TCF20: variants seen among roughly 807,000 people sequenced by gnomAD.
The protein encoded by TCF20 is transcription factor 20.
Under a neutral mutation model 148.6 loss-of-function variants are expected in TCF20, and 3 were observed. The observed-to-expected ratio is 0.02, with a 90% CI of 0.01 to 0.05. The LOEUF (loss-of-function observed/expected upper bound fraction) is 0.05. Among genes scored for constraint, TCF20 ranks in the 10% least tolerant of loss-of-function variants. TCF20 has a pLI of 1.00. For synonymous variants in TCF20, 1,049 were observed against 909.5 expected (o/e 1.15, Z -2.76); for missense variants, 2,350 against 2,429.3 (o/e 0.97, Z 0.69).
At chr22:42,262,475 A>G (rs1222775222) in intron 1 of TCF20, among the ~76,000 whole-genome samples, 1 of 152,140 alleles carries the variant, frequency 6.6e-6, no homozygotes, top group African/African-American at 2.4e-5. Flanking sequence ...GTGAGGAATA[A>G]GTGTTCAGTT....
chr22:42,194,229 T>A (rs2147138643), intron 2 of TCF20, among the ~76,000 whole-genome samples: 1 of 152,318 alleles, frequency 6.6e-6, no homozygotes, highest in Admixed American at 6.5e-5. Flanking sequence ...GATTTTTTGT[T>A]GGCATATTCA....
chr22:42,243,659 A>C (rs2147321983), intron 1 of TCF20, among the ~76,000 whole-genome samples: 1 of 152,248 alleles, frequency 6.6e-6, no homozygotes, highest in Non-Finnish European at 1.5e-5. Flanking sequence ...ATAAAATATC[A>C]ATACTGTATA....
At chr22:42,264,327 T>G (rs1449073997) in intron 1 of TCF20, among the ~76,000 whole-genome samples, 1 of 152,082 alleles carries the variant, frequency 6.6e-6, no homozygotes, top group Non-Finnish European at 1.5e-5. Context: ...AGAGAATGTT[T>G]CCTACACTGT....
At chr22:42,189,658 C>A (rs1601551455) in intron 2 of TCF20, among the ~76,000 whole-genome samples, 2 of 152,142 alleles carry the variant, frequency 1.3e-5, no homozygotes, top group Non-Finnish European at 1.5e-5. Context: ...TCAAAGTGAT[C>A]CCAGGACATA....
chr22:42,187,239 C>T (rs1937087460), intron 2 of TCF20, among the ~76,000 whole-genome samples: 1 of 152,166 alleles, frequency 6.6e-6, no homozygotes, highest in Non-Finnish European at 1.5e-5. Context: ...CTCCTGGGAC[C>T]CAGTCATCTG....
rs1927645811 is a variant in TCF20, at chr22:42,317,080, C to T, written c.-37+26399G>A. ...CACTCTTCCCAGACACCCCAAATCCCCCAAAGAGCACTGGCAACACTATCC... is the reference window on the plus strand; with the variant it reads ...CACTCTTCCCAGACACCCCAAATCCTCCAAAGAGCACTGGCAACACTATCC... On this transcript the variant is annotated intron_variant, in intron 1 of 1. Coordinates refer to the TCF20 transcript ENST00000515426. The surrounding 1 kb of genome is among the most constrained non-coding windows in gnomAD (Gnocchi z 4.2). Among the ~76,000 whole-genome samples, 1 of 152,228 alleles carries T rather than the reference C, an allele frequency of 6.6e-6. No individual in the cohort carries two copies. Among genetic ancestry groups the T allele is most frequent in the African/African-American group, 2.4e-5 (1 of 41,454 alleles).
intron 1 of TCF20, among the ~76,000 whole-genome samples, chr22:42,331,282 G>A (rs755241954): frequency 3.3e-5 from 5 of 152,124 alleles, no homozygotes; most frequent in South Asian, 2.1e-4. Flanking sequence ...CACAGCTCCC[G>A]GCAGAGACCC....
chr22:42,291,749 G>A (rs1461986380), intron 1 of TCF20, among the ~76,000 whole-genome samples: 1 of 152,000 alleles, frequency 6.6e-6, no homozygotes, highest in Admixed American at 6.5e-5. Context: ...GGCAAAGGTG[G>A]AGTCCTGGGG....
chr22:42,219,561 A>C (rs1922159478), intron 1 of TCF20, among the ~76,000 whole-genome samples: 1 of 151,616 alleles, frequency 6.6e-6, no homozygotes, highest in Non-Finnish European at 1.5e-5. Flanking sequence ...TTGCATACAC[A>C]CTCTAAAAAA....
At chr22:42,244,098 G>A (rs568602767) in intron 1 of TCF20, among the ~76,000 whole-genome samples, 9 of 152,244 alleles carry the variant, frequency 5.9e-5, no homozygotes, top group African/African-American at 2.2e-4. Flanking sequence ...CAGCTATTTG[G>A]GAGGCTGAAG....
At chr22:42,254,992 A>G (rs1298493158) in intron 1 of TCF20, among the ~76,000 whole-genome samples, 1 of 147,218 alleles carries the variant, frequency 6.8e-6, no homozygotes, top group Admixed American at 6.8e-5. Context: ...TAGAGGAAAA[A>G]CATGATTAGA....
intron 1 of TCF20, among the ~76,000 whole-genome samples, chr22:42,228,332 A>G (rs538042293): frequency 1.3e-3 from 199 of 152,372 alleles, no homozygotes; most frequent in Non-Finnish European, 2.2e-3. Flanking sequence ...GAGTCATAAC[A>G]ACAATGATAA....
In TCF20 at chr22:42,188,408, C is replaced by A. The variant is rs538702231; in HGVS notation, c.5656-8706G>T. 2.0e-5 allele frequency among the ~76,000 whole-genome samples: 3 copies of A among 150,874 alleles called. No homozygotes were observed. In the Admixed American group the frequency reaches 2.0e-4, roughly 10 times the overall value. On this transcript the variant is annotated intron_variant, in intron 2 of 5. Transcript: ENST00000677622. ...CCCTTGGCTAACGAAAGTAAAAACA[C>A]CAGACCCATGCTTCTTCAGAATCAT...
At chr22:42,167,743 A>T (rs1291825432) in intron 5 of TCF20, among the ~76,000 whole-genome samples, 1 of 152,054 alleles carries the variant, frequency 6.6e-6, no homozygotes, top group Non-Finnish European at 1.5e-5. Context: ...TTTTTTTGAG[A>T]CAGGGTCTCA....
chr22:42,198,779 A>G (rs1937767374), intron 2 of TCF20, among the ~76,000 whole-genome samples: 2 of 151,010 alleles, frequency 1.3e-5, no homozygotes. Context: ...CTCCTGCCTC[A>G]GCCTCCCGAG....
rs115980121 is a variant in TCF20, at chr22:42,207,380, G to A, written c.5655+2271C>T. Among the ~76,000 whole-genome samples the A allele has an allele frequency of 2.4e-3, 363 of 152,058 alleles. 2 individuals are homozygous for A. The highest frequency in any genetic ancestry group is 8.2e-3 in the African/African-American group (342 of 41,482). ...AAAAAAATGTTTTTTTTTCCTCTGG[G>A]AAAACTCAACTCAGAAAAAAGACCC... On this transcript the variant is annotated intron_variant, in intron 2 of 5. Transcript: ENST00000677622.
At chr22:42,185,341 C>T (rs1006288068) in intron 2 of TCF20, among the ~76,000 whole-genome samples, 1 of 152,130 alleles carries the variant, frequency 6.6e-6, no homozygotes, top group African/African-American at 2.4e-5. Flanking sequence ...TGTTCTTGCA[C>T]CCCCCAAGGA....
rs984563603 is a variant in TCF20 at position 42,279,521 on chromosome 22, G to C, written c.-37+4306C>G. On this transcript the variant is annotated intron_variant, in intron 1 of 5. Coordinates refer to the TCF20 transcript ENST00000359486. The surrounding 1 kb of genome is among the most constrained non-coding windows in gnomAD (Gnocchi z 4.3). ...AAGGACAGAGGGCAATGTGACCTTC[G>C]GCAAGCTCCCTAAGCTCCTGAAGCC... is the stretch of plus-strand genomic sequence containing the variant. Among the ~76,000 whole-genome samples, 2 of 152,122 alleles carry C rather than the reference G, an allele frequency of 1.3e-5. No individual in the cohort carries two copies. Among genetic ancestry groups the C allele is most frequent in the African/African-American group, 4.8e-5 (2 of 41,430 alleles).
chr22:42,173,214 T>A, intron 3 of TCF20, among the ~76,000 whole-genome samples: 1 of 151,006 alleles, frequency 6.6e-6, no homozygotes. Flanking sequence ...GTCTTAATTG[T>A]TGTGGCTCAT....
Sources: allele counts gnomAD v4.1 joint callset (sites outside exome capture counted in the v4.1 genomes callset), GRCh38; gene constraint gnomAD v4.1.1; non-coding constraint Gnocchi (gnomAD v3.1); transcripts MANE v1.5; gene names NCBI Gene and HGNC (gene_info 2026-07-23, HGNC 2026-07-21).